The following GRIN2B variants were observed in gnomAD, a reference collection of about 807,000 sequenced individuals.
GRIN2B encodes glutamate receptor ionotropic, NMDA 2B.
GRIN2B carries 5 observed loss-of-function variants against 114.5 expected under a neutral mutation model. The ratio of observed to expected loss-of-function variants is 0.04; its 90% confidence interval spans 0.02 to 0.09. GRIN2B has a LOEUF of 0.09. Ranked by LOEUF, GRIN2B falls within the 10% of genes least tolerant of loss-of-function variation. The pLI is 1.00. For synonymous variants in GRIN2B, 787 were observed against 745.1 expected, an observed-to-expected ratio of 1.06 and a Z score of -0.92; for missense variants, 1,108 against 1,943.5, an observed-to-expected ratio of 0.57 and a Z score of 8.08.
At chr12:13,605,554 C>CTCTG (rs1404110204) in intron 10 of GRIN2B, among the ~76,000 whole-genome samples, 24 of 147,332 alleles carry the variant, frequency 1.6e-4, no homozygotes, top group African/African-American at 5.6e-4. Context: ...CTCTCTCTGA[C>CTCTG]ACACACACAC....
At chr12:13,724,378 T>C (rs59980116) in intron 4 of GRIN2B, among the ~76,000 whole-genome samples, 1,695 of 152,216 alleles carry the variant, frequency 0.011, 31 homozygotes, top group African/African-American at 0.038. Context: ...TTGAGGAAGT[T>C]AGACTGGAGG....
At chr12:13,669,174 C>G (rs1950002353) in intron 5 of GRIN2B, among the ~76,000 whole-genome samples, 1 of 152,010 alleles carries the variant, frequency 6.6e-6, no homozygotes, top group African/African-American at 2.4e-5. Flanking sequence ...CTCAACACTT[C>G]TCTCTGTTAA....
rs895027291 is a variant in GRIN2B, at chr12:13,538,874, C to T, written c.*23909G>A. On this transcript the variant is annotated 3_prime_UTR_variant, in exon 14 of 14. Transcript: ENST00000609686. ...ACAAAAACAACAGAAAAATCAGAGC[C>T]AAGATTTCAAGTCTTGTCTTCCCCC... The T allele has an allele frequency of 8.6e-5, 13 of 150,708 alleles. No homozygotes were observed. The highest frequency in any genetic ancestry group is 1.3e-4 in the Non-Finnish European group (9 of 67,690). 9.3% of individuals were successfully genotyped at this position (150,708 alleles called of 1,614,324 possible).
intron 10 of GRIN2B, among the ~76,000 whole-genome samples, chr12:13,575,854 A>C (rs74065137): frequency 0.025 from 3,826 of 152,172 alleles, 159 homozygotes; most frequent in African/African-American, 0.087. Context: ...CTTTTCTGGA[A>C]GTATTATTTT....
chr12:13,810,347 C>A (rs749828926), intron 3 of GRIN2B, among the ~76,000 whole-genome samples: 1 of 151,776 alleles, frequency 6.6e-6, no homozygotes, highest in Non-Finnish European at 1.5e-5. Flanking sequence ...TCCTGAGTAG[C>A]GGGGATATTT....
intron 2 of GRIN2B, among the ~76,000 whole-genome samples, chr12:13,952,427 A>G (rs1200699608): frequency 6.6e-6 from 1 of 152,144 alleles, no homozygotes; most frequent in Non-Finnish European, 1.5e-5. Flanking sequence ...ACAGAAATGA[A>G]ACTAAAATAC....
chr12:13,697,812 CA>C (rs1317044216), intron 4 of GRIN2B, among the ~76,000 whole-genome samples: 1 of 152,138 alleles, frequency 6.6e-6, no homozygotes. Context: ...CACACACACA[CA>C]AAAACAGTTA....
intron 10 of GRIN2B, among the ~76,000 whole-genome samples, chr12:13,601,431 A>C (rs1949158766): frequency 6.6e-6 from 1 of 152,132 alleles, no homozygotes; most frequent in African/African-American, 2.4e-5. Context: ...TTTTCTTATA[A>C]GAACAATTGT....
At chr12:13,956,682 C>T (rs550871617) in intron 2 of GRIN2B, among the ~76,000 whole-genome samples, 85 of 152,332 alleles carry the variant, frequency 5.6e-4, no homozygotes, top group African/African-American at 2.0e-3. Context: ...TGGGGACTCA[C>T]CAGTAAGCCC....
intron 2 of GRIN2B, among the ~76,000 whole-genome samples, chr12:13,942,441 T>A (rs1403404924): frequency 6.6e-6 from 1 of 152,220 alleles, no homozygotes; most frequent in Non-Finnish European, 1.5e-5. Context: ...TGTAATTAAA[T>A]GTAATTCATT....
rs115422802 is a variant in GRIN2B, at chr12:13,964,849, C to T, written c.-19+15079G>A. On this transcript the variant is annotated intron_variant, in intron 2 of 13. Transcript: ENST00000609686. ...TGACGGCAGCGGTGCAAAGCTGACT[C>T]GCAGAACACCTCATTCCTCAGCAGG... is the stretch of plus-strand genomic sequence containing the variant. 2.4e-3 allele frequency among the ~76,000 whole-genome samples: 365 copies of T among 152,318 alleles called. 2 individuals are homozygous for T. The highest frequency in any genetic ancestry group is 8.4e-3 in the African/African-American group (349 of 41,574).
intron 5 of GRIN2B, among the ~76,000 whole-genome samples, chr12:13,675,308 G>A (rs1448732637): frequency 6.6e-6 from 1 of 152,108 alleles, no homozygotes; most frequent in Non-Finnish European, 1.5e-5. Context: ...CAGTGGGAGA[G>A]ATTGAGCAGA....
chr12:13,617,026 G>A (rs1949453096), intron 5 of GRIN2B, among the ~76,000 whole-genome samples: 1 of 152,172 alleles, frequency 6.6e-6, no homozygotes, highest in East Asian at 1.9e-4. Flanking sequence ...AGTAAGTGAG[G>A]ATGCTGGAGT....
intron 3 of GRIN2B, among the ~76,000 whole-genome samples, chr12:13,801,071 G>A (rs916348861): frequency 2.6e-5 from 4 of 152,012 alleles, no homozygotes; most frequent in East Asian, 1.9e-4. Context: ...AAAACTGTCT[G>A]TCCCTACTGC....
chr12:13,768,143 T>C (rs1023318321), intron 3 of GRIN2B, among the ~76,000 whole-genome samples: 1 of 152,256 alleles, frequency 6.6e-6, no homozygotes, highest in African/African-American at 2.4e-5. Flanking sequence ...TTCTTTGATA[T>C]GTCAACTCAT....
intron 4 of GRIN2B, among the ~76,000 whole-genome samples, chr12:13,715,848 A>AT (rs1336090796): frequency 1.3e-5 from 2 of 151,900 alleles, no homozygotes; most frequent in Non-Finnish European, 2.9e-5. Context: ...GGTCATTATA[A>AT]TTTTTCATGT....
chr12:13,797,085 T>C (rs1011258509), intron 3 of GRIN2B, among the ~76,000 whole-genome samples: 3 of 152,228 alleles, frequency 2.0e-5, no homozygotes, highest in Non-Finnish European at 4.4e-5. Flanking sequence ...AAATACCCAT[T>C]GACTGGGTAA....
At chr12:13,923,490 T>C (rs1009791324) in intron 2 of GRIN2B, among the ~76,000 whole-genome samples, 15 of 152,184 alleles carry the variant, frequency 9.9e-5, no homozygotes, top group African/African-American at 3.4e-4. Context: ...CATCAGACAT[T>C]AGCAAAATAC....
intron 2 of GRIN2B, among the ~76,000 whole-genome samples, chr12:13,942,696 T>C (rs1402489723): frequency 1.1e-4 from 16 of 152,208 alleles, no homozygotes; most frequent in Admixed American, 5.2e-4. Context: ...TCATACAAAC[T>C]ACTAATGTAT....
Sources: allele counts gnomAD v4.1 joint callset (sites outside exome capture counted in the v4.1 genomes callset), GRCh38; gene constraint gnomAD v4.1.1; transcripts MANE v1.5; gene names NCBI Gene and HGNC (gene_info 2026-07-23, HGNC 2026-07-21).